BLNK: variants seen among roughly 807,000 people sequenced by gnomAD.
BLNK encodes the protein B cell linker.
Under a neutral mutation model 73.5 loss-of-function variants are expected in BLNK, and 29 were observed. The observed-to-expected ratio is 0.39, with a 90% CI of 0.29 to 0.54. BLNK has a LOEUF of 0.54. Among genes scored for constraint, BLNK ranks in the 20% least tolerant of loss-of-function variants. The pLI, the probability that BLNK is intolerant of heterozygous loss-of-function variation, is 0.61. For missense variants in BLNK, 460 were observed against 562.8 expected (o/e 0.82, Z 1.85); for synonymous variants, 176 against 200.8 (o/e 0.88, Z 1.04).
At chr10:96,196,283 G>C (rs1311099219) in intron 16 of BLNK, among the ~76,000 whole-genome samples, 1 of 152,126 alleles carries the variant, frequency 6.6e-6, no homozygotes, top group Non-Finnish European at 1.5e-5. Context: ...GACCATTCAT[G>C]GGTTACTCCA....
chr10:96,204,390 T>C, intron 12 of BLNK, 142 bp downstream of exon 12: 1 of 1,015,192 alleles, frequency 9.9e-7, no homozygotes, highest in South Asian at 1.3e-5. Flanking sequence ...GCTCAACACC[T>C]TTTAACACGT....
At position 96,190,428 on chromosome 10, in the gene BLNK, C is replaced by A. The variant is rs1441418884; in HGVS notation, c.*1545G>T. ...TTAAGGCCCACCCTACTGACCTCAT[C>A]TTACCTTGACTATATCTGTAAAGAC... On this transcript the variant is annotated 3_prime_UTR_variant, in exon 17 of 17. Coordinates refer to ENST00000224337, the MANE Select transcript of BLNK (RefSeq NM_013314.4). Among the ~76,000 whole-genome samples the A allele has an allele frequency of 2.6e-5, 4 of 152,334 alleles. No homozygotes were observed. The highest frequency in any genetic ancestry group is 9.6e-5 in the African/African-American group (4 of 41,572).
intron 8 of BLNK, among the ~76,000 whole-genome samples, chr10:96,211,313 T>G (rs1166276110): frequency 3.3e-5 from 5 of 152,166 alleles, no homozygotes; most frequent in African/African-American, 1.2e-4. Flanking sequence ...GAGGACTTGG[T>G]ACATGTAAAG....
chr10:96,193,857 A>G (rs1430005560), intron 16 of BLNK, among the ~76,000 whole-genome samples: 5 of 152,228 alleles, frequency 3.3e-5, no homozygotes, highest in African/African-American at 1.2e-4. Flanking sequence ...GAAAAACTCC[A>G]CATGATTGAC....
In BLNK at chr10:96,209,887, C is replaced by T. The variant is rs2083907847; in HGVS notation, c.697G>A (p.Glu233Lys). 6 of 1,614,078 alleles carry T rather than the reference C, an allele frequency of 3.7e-6. No individual in the cohort carries two copies. The highest frequency in any genetic ancestry group is 5.1e-6 in the Non-Finnish European group (6 of 1,180,038). ...GCAGCTGGTGGAGGTGACTTGGTTT[C>T]CCAGGCCCCACTGTTTCGACCTGCA... Reference protein sequence around the residue: ...TASGRNSGAWETKSPPPAAPS... With the variant: ...TASGRNSGAWKTKSPPPAAPS... The change falls in exon 9 of 17, where the codon GAA (glutamate) becomes AAA (lysine). Residue 233 changes from glutamate to lysine, a missense_variant. Transcript: ENST00000224337.
chr10:96,265,613 C>T (rs1230980397), intron 1 of BLNK, among the ~76,000 whole-genome samples: 1 of 152,178 alleles, frequency 6.6e-6, no homozygotes, highest in East Asian at 1.9e-4. Context: ...TAGGCAATCC[C>T]TCATCCAAAC....
chr10:96,243,622 T>C (rs970758121), intron 2 of BLNK, among the ~76,000 whole-genome samples: 6 of 152,312 alleles, frequency 3.9e-5, no homozygotes, highest in Middle Eastern at 3.4e-3. Flanking sequence ...GCATATTTAG[T>C]ATTCAACTTG....
At chr10:96,197,254 A>C (rs1368413120) in intron 15 of BLNK, among the ~76,000 whole-genome samples, 191 bp from the exon 16 acceptor site, 1 of 152,166 alleles carries the variant, frequency 6.6e-6, no homozygotes. Flanking sequence ...ATATATACTC[A>C]TAGAAAATCC....
intron 8 of BLNK, among the ~76,000 whole-genome samples, chr10:96,211,333 G>A (rs1257334144): frequency 1.3e-5 from 2 of 152,146 alleles, no homozygotes; most frequent in Non-Finnish European, 2.9e-5. Context: ...GCACATGAAG[G>A]CACTGTGTTA....
chr10:96,229,654 C>CTGTGTGTGTGTGTGTGTGTGTGTGTG (rs10625497), intron 4 of BLNK, among the ~76,000 whole-genome samples: 3 of 142,586 alleles, frequency 2.1e-5, no homozygotes, highest in African/African-American at 7.9e-5. Context: ...TTACATGTGG[C>CTGTGTGTGTGTGTGTGTGTGTGTGTG]TGTGTGTGTG....
intron 8 of BLNK, among the ~76,000 whole-genome samples, chr10:96,213,370 T>G (rs1457243548): frequency 4.7e-5 from 7 of 148,722 alleles, no homozygotes; most frequent in Admixed American, 4.6e-4. Flanking sequence ...GCGATTAGAC[T>G]GAGACACAAA....
Position 96,200,025 on chromosome 10 carries a change from TAAATAAAATA to T in BLNK, c.1095+40_1095+49del, listed in dbSNP as rs782403220. ...TGAAACTGCATCATCTCAAAACAAA[TAAATAAAATA>T]AAATAAAATAAAAATAATAAATAAT... On this transcript the variant is annotated intron_variant, in intron 15 of 16. Transcript: ENST00000224337. The surrounding 1 kb of genome is among the most constrained non-coding windows in gnomAD (Gnocchi z 4.3). The T allele has an allele frequency of 1.6e-6, 2 of 1,258,534 alleles. No homozygotes were observed. Among genetic ancestry groups the T allele is most frequent in the Admixed American group, 3.0e-5 (1 of 33,286 alleles). The allele number at this position is 1,258,534 out of a possible 1,614,324, so 78.0% of individuals were successfully genotyped here.
rs782345382 is a variant in BLNK at position 96,204,495 on chromosome 10, C to T, written c.902+37G>A. The stretch of plus-strand genomic sequence containing the variant: ...ATGCACATGTTAATTCCTGCAGCAA[C>T]AAGAGGAAACTGATCTTTAAAGGAA... On this transcript the variant is annotated intron_variant, in intron 12 of 16. Coordinates refer to ENST00000224337, the MANE Select transcript of BLNK (RefSeq NM_013314.4). The T allele has an allele frequency of 1.0e-5, 16 of 1,599,008 alleles. 1 individual carries two copies. The highest frequency in any genetic ancestry group is 1.7e-4 in the Middle Eastern group (1 of 6,038).
At chr10:96,258,019 T>C (rs1479712688) in intron 1 of BLNK, among the ~76,000 whole-genome samples, 1 of 152,220 alleles carries the variant, frequency 6.6e-6, no homozygotes, top group African/African-American at 2.4e-5. Flanking sequence ...TTAGTGACTA[T>C]CCTGTTACTT....
chr10:96,228,088 TTTTTTTC>T (rs1564832471), intron 4 of BLNK, among the ~76,000 whole-genome samples: 2 of 14,726 alleles, frequency 1.4e-4, no homozygotes, highest in Non-Finnish European at 7.1e-4. Flanking sequence ...TTTGCTCTCT[TTTTTTTC>T]TTTTTTTTTT....
chr10:96,259,262 G>T (rs896065436), intron 1 of BLNK, among the ~76,000 whole-genome samples: 1 of 152,134 alleles, frequency 6.6e-6, no homozygotes, highest in African/African-American at 2.4e-5. Flanking sequence ...CCTTGCTATT[G>T]GTCCCCAAGG....
At chr10:96,203,094 G>T (rs1439238999) in intron 13 of BLNK, among the ~76,000 whole-genome samples, 2 of 152,138 alleles carry the variant, frequency 1.3e-5, no homozygotes, top group East Asian at 3.8e-4. Flanking sequence ...TAAGTTTCAT[G>T]AGGACAGGGT....
chr10:96,203,715 T>C (rs1327429243), intron 13 of BLNK: 2 of 189,820 alleles, frequency 1.1e-5, no homozygotes, highest in East Asian at 2.6e-4. Flanking sequence ...CCAAACACTA[T>C]AGCTGGTGCT....
At chr10:96,241,876 C>A (rs1554906326) in intron 3 of BLNK, among the ~76,000 whole-genome samples, 1 of 152,006 alleles carries the variant, frequency 6.6e-6, no homozygotes, top group Non-Finnish European at 1.5e-5. Flanking sequence ...TGCATGCCAC[C>A]ACACCTGGAT....
Sources: gnomAD v4.1 joint callset for allele counts (sites outside exome capture counted in the v4.1 genomes callset) on GRCh38, gnomAD v4.1.1 for gene constraint, Gnocchi (gnomAD v3.1) non-coding constraint, MANE v1.5 for transcripts, NCBI Gene and HGNC (gene_info 2026-07-23, HGNC 2026-07-21) for gene names.